Variants in WDR20 observed in about 807,000 individuals in gnomAD.
The protein encoded by WDR20 is WD repeat-containing protein 20.
Under a neutral mutation model 38.7 loss-of-function variants are expected in WDR20, and 3 were observed. The observed-to-expected ratio is 0.08, with a 90% CI of 0.04 to 0.20. The LOEUF (loss-of-function observed/expected upper bound fraction) is 0.20, where lower values mean the gene tolerates loss of function less well. WDR20 is among the 10% of genes least tolerant of loss of function. The pLI, the probability that WDR20 is intolerant of heterozygous loss-of-function variation, is 1.00. For synonymous variants in WDR20, 298 were observed against 285.6 expected, an observed-to-expected ratio of 1.04 and a Z score of -0.44; for missense variants, 559 against 727.7, an observed-to-expected ratio of 0.77 and a Z score of 2.67.
chr14:102,140,069 G>T lies in WDR20; in HGVS notation c.146G>T (p.Arg49Leu). ...PFNSQGSNPV[R>L]VSFVNLNDQS... ...AACTCGCAGGGATCCAACCCTGTCCGCGTCTCCTTCGTAAACCTCAACGAC... is the reference window on the plus strand; with the variant it reads ...AACTCGCAGGGATCCAACCCTGTCCTCGTCTCCTTCGTAAACCTCAACGAC... The change falls in exon 1 of 3, where the codon CGC (arginine) becomes CTC (leucine). Residue 49 changes from arginine (R) to leucine (L), a missense_variant. Coordinates refer to ENST00000342702, the MANE Select transcript of WDR20 (RefSeq NM_144574.4). 1 of 1,614,184 alleles carries T rather than the reference G, an allele frequency of 6.2e-7. No individual in the cohort carries two copies. The highest frequency in any genetic ancestry group is 8.5e-7 in the Non-Finnish European group (1 of 1,180,026).
chr14:102,145,725 C>T (rs965761873), intron 1 of WDR20, among the ~76,000 whole-genome samples: 2 of 152,070 alleles, frequency 1.3e-5, no homozygotes, highest in Non-Finnish European at 2.9e-5. Flanking sequence ...GAGCTGTAAT[C>T]GTGCCACTGC....
chr14:102,182,554 A>G (rs192264235), intron 1 of WDR20, among the ~76,000 whole-genome samples: 56 of 152,334 alleles, frequency 3.7e-4, no homozygotes, highest in East Asian at 3.3e-3. Flanking sequence ...TCAGTGTTAC[A>G]GTAAGCTTCC....
intron 1 of WDR20, chr14:102,193,549 C>A: frequency 6.2e-7 from 1 of 1,604,580 alleles, no homozygotes; most frequent in South Asian, 1.1e-5. Context: ...GGCATGCACC[C>A]TCATTCCTTT....
Position 102,163,275 on chromosome 14 carries a change from C to T in WDR20, c.249+23103C>T, listed in dbSNP as rs143680838. On this transcript the variant is annotated intron_variant, in intron 1 of 2. Transcript: ENST00000342702. ...TGGGATGACTTCCACCAGATACCAG[C>T]GCCATATTCTTGGAGTACCCAGCCA... is the stretch of plus-strand genomic sequence containing the variant. Among the ~76,000 whole-genome samples the T allele has an allele frequency of 4.1e-3, 623 of 152,206 alleles. 4 individuals carry two copies. Among genetic ancestry groups the T allele is most frequent in the Admixed American group, 5.8e-3 (89 of 15,292 alleles).
At chr14:102,162,639 C>T (rs1292758533) in intron 1 of WDR20, among the ~76,000 whole-genome samples, 2 of 152,022 alleles carry the variant, frequency 1.3e-5, no homozygotes, top group African/African-American at 2.4e-5. Context: ...CGCCCTCTCA[C>T]ACTCTCTCGC....
chr14:102,206,726 C>A (rs777788761), intron 2 of WDR20, among the ~76,000 whole-genome samples: 8 of 152,178 alleles, frequency 5.3e-5, no homozygotes, highest in Admixed American at 5.2e-4. Flanking sequence ...CACCCTTAGG[C>A]CCTGGGCGAT....
intron 1 of WDR20, among the ~76,000 whole-genome samples, chr14:102,146,881 G>T (rs1222153527): frequency 6.6e-6 from 1 of 152,162 alleles, no homozygotes; most frequent in East Asian, 1.9e-4. Context: ...GATTTACTTT[G>T]AGAAATCTTG....
intron 1 of WDR20, among the ~76,000 whole-genome samples, chr14:102,145,633 T>G (rs889612476): frequency 6.6e-6 from 1 of 152,176 alleles, no homozygotes; most frequent in East Asian, 1.9e-4. Flanking sequence ...AGGGTGGGCG[T>G]GGTGTCATGT....
chr14:102,143,555 T>A (rs2052304096), intron 1 of WDR20, among the ~76,000 whole-genome samples: 1 of 151,986 alleles, frequency 6.6e-6, no homozygotes, highest in Middle Eastern at 3.2e-3. Flanking sequence ...CATCTTTTTT[T>A]TTTTTTTGAG....
chr14:102,177,728 G>A (rs1412317503), intron 1 of WDR20, among the ~76,000 whole-genome samples: 2 of 152,128 alleles, frequency 1.3e-5, no homozygotes, highest in African/African-American at 2.4e-5. Flanking sequence ...AAGTCTTCAG[G>A]CTTCCGCAGT....
intron 1 of WDR20, among the ~76,000 whole-genome samples, chr14:102,149,929 G>A (rs1258160875): frequency 2.6e-5 from 4 of 152,114 alleles, no homozygotes; most frequent in African/African-American, 4.8e-5. Context: ...TCCTCACCTC[G>A]TGATCCACCC....
intron 1 of WDR20, among the ~76,000 whole-genome samples, chr14:102,184,985 G>C (rs1232174189): frequency 6.6e-6 from 1 of 152,148 alleles, no homozygotes; most frequent in African/African-American, 2.4e-5. Context: ...GGCTGTACTA[G>C]TATGTTTGAG....
At chr14:102,205,681 A>C (rs77538473) in intron 2 of WDR20, among the ~76,000 whole-genome samples, 2,607 of 152,166 alleles carry the variant, frequency 0.017, 50 homozygotes, top group South Asian at 0.097. Flanking sequence ...GATATTGCTG[A>C]GACACAGGGC....
intron 1 of WDR20, among the ~76,000 whole-genome samples, chr14:102,193,103 T>C (rs2058785924): frequency 6.6e-6 from 1 of 152,142 alleles, no homozygotes; most frequent in African/African-American, 2.4e-5. Flanking sequence ...CTGCCAGTTA[T>C]ATCTTATTTT....
intron 1 of WDR20, among the ~76,000 whole-genome samples, chr14:102,189,638 A>G (rs2065838884): frequency 1.3e-5 from 2 of 152,234 alleles, no homozygotes; most frequent in Admixed American, 6.5e-5. Flanking sequence ...CTGAGTGGAA[A>G]AAAACTTACG....
chr14:102,218,499 G>A (rs1271632011), downstream of WDR20, among the ~76,000 whole-genome samples: 2 of 152,268 alleles, frequency 1.3e-5, no homozygotes, highest in African/African-American at 4.8e-5. Flanking sequence ...AGCAGCACCT[G>A]CAGGGGCAGG....
intron 1 of WDR20, chr14:102,167,378 C>T (rs1259828149): frequency 6.6e-6 from 1 of 152,140 alleles, no homozygotes; most frequent in Non-Finnish European, 1.5e-5. Flanking sequence ...CCACACTCGG[C>T]TAATTTTTTT....
At chr14:102,166,654 A>G (rs1005121690) in intron 1 of WDR20, among the ~76,000 whole-genome samples, 5 of 152,128 alleles carry the variant, frequency 3.3e-5, no homozygotes, top group African/African-American at 9.7e-5. Context: ...TTGGTATACT[A>G]TACTCTTCAT....
upstream of WDR20, chr14:102,139,719 G>T (rs762043809): frequency 5.8e-5 from 45 of 774,506 alleles, no homozygotes; most frequent in Middle Eastern, 3.8e-4. Flanking sequence ...CAGTCGGGTG[G>T]AGCACGCCAG....
Sources: gnomAD v4.1 joint callset for allele counts (sites outside exome capture counted in the v4.1 genomes callset) on GRCh38, gnomAD v4.1.1 for gene constraint, MANE v1.5 for transcripts, NCBI Gene and HGNC (gene_info 2026-07-23, HGNC 2026-07-21) for gene names.